Variants in SYNE2 observed in about 807,000 individuals in gnomAD.
SYNE2 encodes nesprin-2.
Under a neutral mutation model 856.3 loss-of-function variants are expected in SYNE2, and 431 were observed. That is an observed-to-expected ratio of 0.50 (90% CI 0.47 to 0.55). The LOEUF (loss-of-function observed/expected upper bound fraction) is 0.55. SYNE2 is among the 20% of genes least tolerant of loss of function. The pLI is 0.00. For missense variants in SYNE2, 8,129 were observed against 8,023.2 expected (o/e 1.01, Z -0.50); for synonymous variants, 2,923 against 2,872.3 (o/e 1.02, Z -0.56).
chr14:64,223,138 C>G, intron 112 of SYNE2, 51 bp from the exon 113 acceptor site: 1 of 1,604,238 alleles, frequency 6.2e-7, no homozygotes, highest in East Asian at 2.2e-5. Flanking sequence ...TGTGTCCACA[C>G]TCGCTTCCCT....
intron 96 of SYNE2, among the ~76,000 whole-genome samples, chr14:64,183,787 G>T (rs918097298): frequency 1.3e-5 from 2 of 152,056 alleles, no homozygotes; most frequent in African/African-American, 4.8e-5. Context: ...GTGGTGGCGT[G>T]CGCCTGCAAT....
rs185295905 is a variant in SYNE2, at chr14:63,867,531, C to T, written c.-52+14388C>T. On this transcript the variant is annotated intron_variant, in intron 1 of 115. Coordinates refer to ENST00000555002, the MANE Select transcript of SYNE2 (RefSeq NM_182914.3). ...CGGCCAACAAGGCTAAACCTTGTCT[C>T]TACTAAAAATACAAAAATTAGCCAG... Among the ~76,000 whole-genome samples the T allele has an allele frequency of 7.9e-5, 12 of 151,890 alleles. No individual in the cohort carries two copies. The East Asian group carries it at 2.3e-3, about 29-fold the overall frequency.
At chr14:63,950,875 T>G (rs1316633162) in intron 7 of SYNE2, among the ~76,000 whole-genome samples, 1 of 152,092 alleles carries the variant, frequency 6.6e-6, no homozygotes, top group Non-Finnish European at 1.5e-5. Context: ...CAGGCTGGTC[T>G]CAAATTCCTG....
At chr14:64,042,787 G>A (rs7154896) in intron 45 of SYNE2, among the ~76,000 whole-genome samples, 2,009 of 152,162 alleles carry the variant, frequency 0.013, 54 homozygotes, top group African/African-American at 0.046. Context: ...CCTGTCTTGG[G>A]TATGTCTTTA....
In SYNE2 at chr14:64,053,351, A is replaced by G; in HGVS notation, c.9438A>G (p.Pro3146=). 6.2e-7 allele frequency: 1 copy of G among 1,613,522 alleles called. No homozygotes were observed. The highest frequency in any genetic ancestry group is 8.5e-7 in the Non-Finnish European group (1 of 1,179,892). ...AAAACATGGTATTAGAACTCTCACCAAAAGAATTGGATGAAAAGAATTGTC... is the reference window on the plus strand; with the variant it reads ...AAAACATGGTATTAGAACTCTCACCGAAAGAATTGGATGAAAAGAATTGTC... The part of the protein sequence containing the change: ...VLQNMVLELS[P]KELDEKNCQD... Residue 3146 remains proline (P), a synonymous_variant, in exon 48 of 116, where the codon CCA becomes CCG. Transcript: ENST00000555002.
At chr14:64,129,980 G>C in intron 75 of SYNE2, 68 bp from the exon 76 acceptor site, 1 of 1,613,460 alleles carries the variant, frequency 6.2e-7, no homozygotes, top group Non-Finnish European at 8.5e-7. Context: ...GCAGAGTTTA[G>C]ATTTGTCTTT....
chr14:63,858,115 ATTAT>A (rs572263543), intron 1 of SYNE2, among the ~76,000 whole-genome samples: 2 of 151,282 alleles, frequency 1.3e-5, no homozygotes, highest in East Asian at 1.9e-4. Flanking sequence ...TTTTTATTTT[ATTAT>A]TTATTTATTT....
chr14:64,097,133 A>C (rs890983364), intron 61 of SYNE2, among the ~76,000 whole-genome samples: 1 of 152,218 alleles, frequency 6.6e-6, no homozygotes, highest in African/African-American at 2.4e-5. Context: ...GGGCATCTGC[A>C]TATCTGCCAT....
At chr14:64,013,944 G>T (rs974445151) in intron 32 of SYNE2, among the ~76,000 whole-genome samples, 25 of 152,052 alleles carry the variant, frequency 1.6e-4, no homozygotes, top group African/African-American at 6.0e-4. Flanking sequence ...TCAAGATAAA[G>T]AACATTTTTG....
chr14:63,993,406 C>G (rs1350141832), intron 21 of SYNE2, among the ~76,000 whole-genome samples: 1 of 152,088 alleles, frequency 6.6e-6, no homozygotes, highest in African/African-American at 2.4e-5. Context: ...CAAAACGAAA[C>G]AAAACTGTGA....
intron 88 of SYNE2, 79 bp from the exon 89 acceptor site, chr14:64,163,323 T>C: frequency 6.6e-7 from 1 of 1,526,116 alleles, no homozygotes; most frequent in Non-Finnish European, 9.0e-7. Context: ...TTCTCCTAGA[T>C]TTTGATGGAG....
intron 55 of SYNE2, among the ~76,000 whole-genome samples, chr14:64,080,023 T>C (rs553560841): frequency 2.0e-5 from 3 of 151,892 alleles, no homozygotes; most frequent in African/African-American, 7.3e-5. Flanking sequence ...TCACTTGAAA[T>C]TATTTTGTAG....
intron 2 of SYNE2, among the ~76,000 whole-genome samples, chr14:63,918,146 T>C (rs1016929023): frequency 3.3e-5 from 5 of 152,160 alleles, no homozygotes; most frequent in African/African-American, 9.7e-5. Flanking sequence ...TATTCAGAGC[T>C]TGAAGTAGTA....
chr14:63,921,020 C>T (rs918930139), intron 2 of SYNE2, among the ~76,000 whole-genome samples: 1 of 152,048 alleles, frequency 6.6e-6, no homozygotes, highest in African/African-American at 2.4e-5. Flanking sequence ...GAGGCCGAGA[C>T]AGGAGAATAG....
intron 49 of SYNE2, among the ~76,000 whole-genome samples, chr14:64,060,213 A>T (rs1567182941): frequency 6.6e-6 from 1 of 152,114 alleles, no homozygotes; most frequent in South Asian, 2.1e-4. Flanking sequence ...TGAAGCAGAA[A>T]TGGCCTCTCC....
intron 54 of SYNE2, among the ~76,000 whole-genome samples, chr14:64,077,512 G>A (rs1192189445): frequency 2.0e-5 from 3 of 152,102 alleles, no homozygotes; most frequent in Non-Finnish European, 4.4e-5. Flanking sequence ...GCGCTTCTTG[G>A]GACAAGTTCA....
chr14:63,784,953 T>TTG (rs1887458981), intron 1 of SYNE2, among the ~76,000 whole-genome samples: 1 of 151,574 alleles, frequency 6.6e-6, no homozygotes, highest in Non-Finnish European at 1.5e-5. Context: ...GTTATTTTTT[T>TTG]GGGGGGGTGA....
intron 8 of SYNE2, 49 bp downstream of exon 8, chr14:63,954,964 A>G (rs765253920): frequency 1.4e-6 from 2 of 1,477,374 alleles, no homozygotes; most frequent in Non-Finnish European, 1.9e-6. Flanking sequence ...CTTAGCATGA[A>G]GTTGATTTCA....
chr14:63,825,485 A>G, intron 1 of SYNE2, among the ~76,000 whole-genome samples: 1 of 152,204 alleles, frequency 6.6e-6, no homozygotes, highest in East Asian at 1.9e-4. Flanking sequence ...ATTGGAAAAT[A>G]TCATTCACAA....
Sources: allele counts gnomAD v4.1 joint callset (sites outside exome capture counted in the v4.1 genomes callset), GRCh38; gene constraint gnomAD v4.1.1; transcripts MANE v1.5; gene names NCBI Gene and HGNC (gene_info 2026-07-23, HGNC 2026-07-21).